MTOR: variants seen among roughly 807,000 people sequenced by gnomAD.
MTOR encodes serine/threonine-protein kinase mTOR.
MTOR carries 70 observed loss-of-function variants against 319.8 expected under a neutral mutation model. The ratio of observed to expected loss-of-function variants is 0.22; its 90% CI spans 0.18 to 0.27. The LOEUF (loss-of-function observed/expected upper bound fraction) is 0.27, where lower values mean the gene tolerates loss of function less well. Among genes scored for constraint, MTOR ranks in the 10% least tolerant of loss-of-function variants. MTOR has a pLI of 1.00. For synonymous variants in MTOR, 1,183 were observed against 1,211.4 expected (o/e 0.98, Z 0.49); for missense variants, 1,890 against 3,274.4 (o/e 0.58, Z 10.32).
At chr1:11,171,141 G>A (rs1234626847) in intron 28 of MTOR, among the ~76,000 whole-genome samples, 3 of 149,566 alleles carry the variant, frequency 2.0e-5, no homozygotes, top group Admixed American at 6.7e-5. Context: ...GTTGCAGTGA[G>A]CCAAGATTAT....
intron 28 of MTOR, among the ~76,000 whole-genome samples, chr1:11,171,064 G>T (rs368735322): frequency 6.6e-6 from 1 of 150,386 alleles, no homozygotes; most frequent in African/African-American, 2.5e-5. Flanking sequence ...GCGTGGTGGC[G>T]GGCACCTGTA....
intron 30 of MTOR, among the ~76,000 whole-genome samples, chr1:11,156,215 C>T (rs1477220368): frequency 6.6e-6 from 1 of 152,184 alleles, no homozygotes; most frequent in Non-Finnish European, 1.5e-5. Context: ...GTCTCAAACT[C>T]CTGACTTCAA....
At chr1:11,247,122 T>C (rs1034368634) in intron 8 of MTOR, among the ~76,000 whole-genome samples, 1 of 152,192 alleles carries the variant, frequency 6.6e-6, no homozygotes, top group African/African-American at 2.4e-5. Context: ...AGGGCTATGA[T>C]GGAAGAAGGC....
At chr1:11,261,341 G>A (rs1651103547) in intron 1 of MTOR, among the ~76,000 whole-genome samples, 1 of 151,644 alleles carries the variant, frequency 6.6e-6, no homozygotes, top group Non-Finnish European at 1.5e-5. Flanking sequence ...GTATGGTGGC[G>A]GGCGCCTGTA....
chr1:11,111,939 A>G (rs1308912166), intron 54 of MTOR, among the ~76,000 whole-genome samples: 3 of 141,410 alleles, frequency 2.1e-5, no homozygotes. Context: ...GGGCTAAACA[A>G]AGTTAAACAA....
intron 36 of MTOR, among the ~76,000 whole-genome samples, chr1:11,136,090 C>T (rs6699908): frequency 0.011 from 1,654 of 152,292 alleles, 32 homozygotes; most frequent in African/African-American, 0.038. Flanking sequence ...GCCGAGATCA[C>T]ACCACTGCAC....
At chr1:11,130,342 C>A (rs1643074410) in intron 39 of MTOR, among the ~76,000 whole-genome samples, 187 bp downstream of exon 39, 1 of 152,200 alleles carries the variant, frequency 6.6e-6, no homozygotes, top group African/African-American at 2.4e-5. Flanking sequence ...CGTCAGCTCC[C>A]CAAACACAAA....
At chr1:11,187,313 T>C (rs1243607713) in intron 28 of MTOR, among the ~76,000 whole-genome samples, 1 of 81,100 alleles carries the variant, frequency 1.2e-5, no homozygotes, top group Non-Finnish European at 2.3e-5. Flanking sequence ...AATTTTTCTA[T>C]GGACCAGGGT....
intron 26 of MTOR, 37 bp downstream of exon 26, chr1:11,204,524 T>C (rs1646077768): frequency 6.3e-7 from 1 of 1,579,190 alleles, no homozygotes; most frequent in South Asian, 1.1e-5. Flanking sequence ...TCGTTTTCTA[T>C]GTGCTGATCT....
rs1641751411 is a variant in MTOR at position 11,109,573 on chromosome 1, C to T, written c.7447+76G>A. 4 of 1,436,210 alleles carry T rather than the reference C, an allele frequency of 2.8e-6. No individual in the cohort carries two copies. The highest frequency in any genetic ancestry group is 2.9e-6 in the Non-Finnish European group (3 of 1,022,596). 89.0% of individuals were successfully genotyped at this position (1,436,210 alleles called of 1,614,324 possible). A position where few individuals can be genotyped will look rare whatever the true frequency, so the allele number is the denominator to read the frequency against. ...GTTTTGTTGCTTCATCTTGTTGACC[C>T]CTCTCAGGGTATAACACAGCTGCTA... is the stretch of plus-strand genomic sequence containing the variant. On this transcript the variant is annotated intron_variant, in intron 55 of 57. Coordinates refer to ENST00000361445, the MANE Select transcript of MTOR (RefSeq NM_004958.4). This position sits in a 1 kb window ranked among gnomAD's most constrained non-coding sequence, Gnocchi z 4.0.
At position 11,232,696 on chromosome 1, in the gene MTOR, A is replaced by G. The variant is rs2024625; in HGVS notation, c.2422-168T>C. On this transcript the variant is annotated intron_variant, in intron 15 of 57. Coordinates refer to ENST00000361445, the MANE Select transcript of MTOR (RefSeq NM_004958.4). ...TCCAGACCAGCCTAGCCAACATGGT[A>G]AAACCCCATCTCTACTAAAAATACA... 0.64 allele frequency among the ~76,000 whole-genome samples: 97,614 copies of G among 151,798 alleles called. 33,719 individuals are homozygous for G. Among genetic ancestry groups the G allele is most frequent in the East Asian group, 0.91 (4,691 of 5,138 alleles).
intron 28 of MTOR, among the ~76,000 whole-genome samples, chr1:11,185,413 CAAA>C (rs35733842): frequency 9.5e-6 from 1 of 105,462 alleles, no homozygotes; most frequent in African/African-American, 3.0e-5. Context: ...CCCATCACTA[CAAA>C]AAAAAAAAAA....
chr1:11,162,898 A>T (rs1644522610), intron 29 of MTOR, among the ~76,000 whole-genome samples: 1 of 152,228 alleles, frequency 6.6e-6, no homozygotes, highest in Non-Finnish European at 1.5e-5. Context: ...ATAACCAGCT[A>T]ACATCATAAT....
At chr1:11,156,187 G>C (rs1026613449) in intron 30 of MTOR, among the ~76,000 whole-genome samples, 1 of 151,938 alleles carries the variant, frequency 6.6e-6, no homozygotes, top group Non-Finnish European at 1.5e-5. Flanking sequence ...ACGAGGTTTC[G>C]CCATGTTGGC....
At chr1:11,249,645 A>G (rs897668509) in intron 6 of MTOR, among the ~76,000 whole-genome samples, 6 of 136,388 alleles carry the variant, frequency 4.4e-5, no homozygotes, top group Admixed American at 7.9e-5. Flanking sequence ...GCCTTCAAGC[A>G]TCTGTTTAAC....
rs1275608930 is a variant in MTOR at position 11,121,504 on chromosome 1, G to C, written c.6811-136C>G. 2 of 1,230,336 alleles carry C rather than the reference G, an allele frequency of 1.6e-6. No individual in the cohort carries two copies. Among genetic ancestry groups the C allele is most frequent in the Non-Finnish European group, 2.2e-6 (2 of 888,946 alleles). The allele number at this position is 1,230,336 out of a possible 1,614,324, so 76.2% of individuals were successfully genotyped here. A position where few individuals can be genotyped will look rare whatever the true frequency, so the allele number is the denominator to read the frequency against. ...CATAGCCAAAGGAGAAGGGAAATAAGAACATGGCAAAAGGAGAAACGAAGT... is the reference window on the plus strand; with the variant it reads ...CATAGCCAAAGGAGAAGGGAAATAACAACATGGCAAAAGGAGAAACGAAGT... On this transcript the variant is annotated intron_variant, in intron 48 of 57. Transcript: ENST00000361445. The surrounding 1 kb of genome is among the most constrained non-coding windows in gnomAD (Gnocchi z 4.9).
At chr1:11,243,700 A>G (rs1648408124) in intron 8 of MTOR, among the ~76,000 whole-genome samples, 2 of 152,172 alleles carry the variant, frequency 1.3e-5, no homozygotes, top group Admixed American at 1.3e-4. Flanking sequence ...AAAAAAAAAA[A>G]AACCCAAAAA....
intron 19 of MTOR, among the ~76,000 whole-genome samples, chr1:11,216,653 T>TAA (rs34042645): frequency 1.5e-5 from 2 of 134,040 alleles, no homozygotes; most frequent in South Asian, 2.4e-4. Context: ...CCCTGTCTCT[T>TAA]AAAAAAAAAA....
chr1:11,157,544 C>T (rs553228959), intron 29 of MTOR, among the ~76,000 whole-genome samples: 1 of 152,342 alleles, frequency 6.6e-6, no homozygotes, highest in South Asian at 2.1e-4. Flanking sequence ...TCAGGCCATA[C>T]TCCTCCCCCA....
Sources: gnomAD v4.1 joint callset for allele counts (sites outside exome capture counted in the v4.1 genomes callset) on GRCh38, gnomAD v4.1.1 for gene constraint, Gnocchi (gnomAD v3.1) non-coding constraint, MANE v1.5 for transcripts, NCBI Gene and HGNC (gene_info 2026-07-23, HGNC 2026-07-21) for gene names.